AP1B1: variants seen among roughly 807,000 people sequenced by gnomAD.
The protein encoded by AP1B1 is AP-1 complex subunit beta-1.
AP1B1 carries 36 observed loss-of-function variants against 104.3 expected under a neutral mutation model. The ratio of observed to expected loss-of-function variants is 0.35; its 90% confidence interval spans 0.26 to 0.46. AP1B1 has a LOEUF of 0.46. Ranked by LOEUF, AP1B1 falls within the 20% of genes least tolerant of loss-of-function variation. AP1B1 has a pLI of 1.00. For synonymous variants in AP1B1, 504 were observed against 517.5 expected, an observed-to-expected ratio of 0.97 and a Z score of 0.35; for missense variants, 901 against 1,247.9, an observed-to-expected ratio of 0.72 and a Z score of 4.19.
At chr22:29,332,615 C>G (rs1180722064) in intron 17 of AP1B1, among the ~76,000 whole-genome samples, 3 of 152,198 alleles carry the variant, frequency 2.0e-5, no homozygotes, top group Non-Finnish European at 2.9e-5. Context: ...CTCATAAAAA[C>G]AGAGCCAGGT....
At chr22:29,329,448 G>C (rs2061523909) in intron 22 of AP1B1, 1 of 1,367,934 alleles carries the variant, frequency 7.3e-7, no homozygotes, top group Non-Finnish European at 9.4e-7. Context: ...TCTGCAGGGT[G>C]CAGTTAGGAA....
intron 3 of AP1B1, among the ~76,000 whole-genome samples, 167 bp downstream of exon 3, chr22:29,362,834 C>T (rs1188000138): frequency 6.6e-6 from 1 of 152,076 alleles, no homozygotes; most frequent in Non-Finnish European, 1.5e-5. Flanking sequence ...GCTCATGATT[C>T]CTGTGTAAAC....
In AP1B1 at chr22:29,354,563, A is replaced by G; in HGVS notation, c.938+87T>C. ...TATTTGAGACTTCCTGCATGGTGAC[A>G]GGTCAGTTTCCTTTGAGAGCCCCCA... On this transcript the variant is annotated intron_variant, in intron 7 of 22. Transcript: ENST00000357586. 3.2e-6 allele frequency: 4 copies of G among 1,269,272 alleles called. No individual in the cohort carries two copies. In the South Asian group the frequency reaches 5.2e-5, roughly 17 times the overall value. 78.6% of individuals were successfully genotyped at this position (1,269,272 alleles called of 1,614,324 possible).
At chr22:29,338,305 G>C (rs1223221370) in intron 16 of AP1B1, among the ~76,000 whole-genome samples, 1 of 152,214 alleles carries the variant, frequency 6.6e-6, no homozygotes. Flanking sequence ...GGGAGTCAGT[G>C]ACCACTTCAG....
chr22:29,351,627 T>C, intron 8 of AP1B1, 78 bp downstream of exon 8: 1 of 1,564,236 alleles, frequency 6.4e-7, no homozygotes, highest in Admixed American at 1.8e-5. Flanking sequence ...ACTGGTCACC[T>C]GGGCCAGAGC....
chr22:29,380,202 C>T (rs1474938197), intron 1 of AP1B1, among the ~76,000 whole-genome samples: 4 of 152,176 alleles, frequency 2.6e-5, no homozygotes, highest in Non-Finnish European at 5.9e-5. Flanking sequence ...TGCTAGGATG[C>T]CATGCTCTCT....
At chr22:29,377,875 T>A (rs2148047723) in intron 1 of AP1B1, among the ~76,000 whole-genome samples, 1 of 152,090 alleles carries the variant, frequency 6.6e-6, no homozygotes, top group African/African-American at 2.4e-5. Flanking sequence ...ATCACAAGTT[T>A]ACAGATGAGG....
In AP1B1 at chr22:29,354,743, T is replaced by C; in HGVS notation, c.845A>G (p.Lys282Arg). ...KDLDYYGTLLKKLAPPLVTLL... is the reference protein window; with the variant it reads ...KDLDYYGTLLRKLAPPLVTLL... ...TGTGACCAGGGGTGGGGCCAGCTTC[T>C]TGAGCAGTGTGCCGTAGTAGTCCAA... The change falls in exon 7 of 23, where the codon AAG becomes AGG. Residue 282 changes from lysine (K) to arginine (R), a missense_variant. Lys to Arg is a conservative substitution (Grantham distance 26). Around this residue, in one of 3 missense-constraint regions of AP1B1, gnomAD observed 471 missense variants for 696.7 expected, o/e 0.68. Transcript: ENST00000357586. 1 of 1,614,096 alleles carries C rather than the reference T, an allele frequency of 6.2e-7. No individual in the cohort carries two copies. Among genetic ancestry groups the C allele is most frequent in the South Asian group, 1.1e-5 (1 of 91,076 alleles).
At chr22:29,361,311 A>C (rs2062042972) in intron 3 of AP1B1, among the ~76,000 whole-genome samples, 1 of 152,180 alleles carries the variant, frequency 6.6e-6, no homozygotes, top group African/African-American at 2.4e-5. Context: ...CGTCTGGAGC[A>C]GTGGGAGCCT....
chr22:29,358,638 C>A (rs2061996369), intron 5 of AP1B1, 88 bp downstream of exon 5: 1 of 1,526,782 alleles, frequency 6.5e-7, no homozygotes, highest in African/African-American at 1.4e-5. Flanking sequence ...TCTAGGTACT[C>A]AGGACTGCCT....
At chr22:29,329,574 G>T in intron 22 of AP1B1, 138 bp downstream of exon 22, 1 of 1,528,178 alleles carries the variant, frequency 6.5e-7, no homozygotes, top group East Asian at 2.3e-5. Flanking sequence ...ACCTCAATCA[G>T]GGCCACCTGG....
At chr22:29,352,628 T>C (rs2061894202) in intron 7 of AP1B1, among the ~76,000 whole-genome samples, 1 of 152,178 alleles carries the variant, frequency 6.6e-6, no homozygotes, top group African/African-American at 2.4e-5. Flanking sequence ...GCTGTGGGTA[T>C]AGCTATATGC....
chr22:29,382,345 C>G (rs569272365), intron 1 of AP1B1, among the ~76,000 whole-genome samples: 1 of 152,324 alleles, frequency 6.6e-6, no homozygotes, highest in Non-Finnish European at 1.5e-5. Flanking sequence ...CGGCACCTGG[C>G]CATGCATGTA....
At chr22:29,376,627 TG>T (rs1225389610) in intron 1 of AP1B1, among the ~76,000 whole-genome samples, 2 of 150,520 alleles carry the variant, frequency 1.3e-5, no homozygotes, top group Non-Finnish European at 2.9e-5. Context: ...TGTTAGCTCA[TG>T]GACAGTCAAG....
chr22:29,371,001 T>C (rs1383067306), intron 1 of AP1B1, among the ~76,000 whole-genome samples: 1 of 152,140 alleles, frequency 6.6e-6, no homozygotes, highest in African/African-American at 2.4e-5. Flanking sequence ...TGCAGGAAAT[T>C]AAAGTAGAGA....
At chr22:29,367,772 G>A (rs565170842) in intron 1 of AP1B1, among the ~76,000 whole-genome samples, 4 of 152,284 alleles carry the variant, frequency 2.6e-5, no homozygotes, top group African/African-American at 4.8e-5. Flanking sequence ...ATCAAGGCAC[G>A]ATATTACCCT....
At position 29,330,344 on chromosome 22, in the gene AP1B1, T is replaced by C. The variant is rs2061538299; in HGVS notation, c.2766+34A>G. 3 of 1,610,682 alleles carry C rather than the reference T, an allele frequency of 1.9e-6. No homozygotes were observed. The Admixed American group carries it at 5.0e-5, about 27-fold the overall frequency. ...CCCTGGCATGGGACGAAGGGGAGGCTCCAAGGCTGCAGGGCGGGTGCCGGG... is the reference window on the plus strand; with the variant it reads ...CCCTGGCATGGGACGAAGGGGAGGCCCCAAGGCTGCAGGGCGGGTGCCGGG... On this transcript the variant is annotated intron_variant, in intron 21 of 22. Coordinates refer to ENST00000357586, the MANE Select transcript of AP1B1 (RefSeq NM_001127.4).
At chr22:29,333,017 A>G (rs1439381179) in intron 17 of AP1B1, 1 of 152,486 alleles carries the variant, frequency 6.6e-6, no homozygotes, top group Admixed American at 6.5e-5. Flanking sequence ...AGCACACAGT[A>G]AGTTTGCTAG....
At chr22:29,361,605 T>C (rs1215769086) in intron 3 of AP1B1, among the ~76,000 whole-genome samples, 2 of 152,088 alleles carry the variant, frequency 1.3e-5, no homozygotes, top group Non-Finnish European at 2.9e-5. Context: ...ACTGTGCAAA[T>C]ATCAAGCTGT....
Sources: gnomAD v4.1 joint callset for allele counts (sites outside exome capture counted in the v4.1 genomes callset) on GRCh38, gnomAD v4.1.1 for gene constraint, gnomAD v4.1.1 regional missense constraint, MANE v1.5 for transcripts, NCBI Gene and HGNC (gene_info 2026-07-23, HGNC 2026-07-21) for gene names.